The following KCNIP2 variants were observed in gnomAD, a reference collection of about 807,000 sequenced individuals.
The protein encoded by KCNIP2 is A-type potassium channel modulatory protein KCNIP2.
Under a neutral mutation model 39.0 loss-of-function variants are expected in KCNIP2, and 19 were observed. That is an observed-to-expected ratio of 0.49 (90% CI 0.34 to 0.71). KCNIP2 has a LOEUF of 0.71. Ranked by LOEUF, KCNIP2 falls within the 30% of genes least tolerant of loss-of-function variation. KCNIP2 has a pLI of 0.01. For synonymous variants in KCNIP2, 111 were observed against 131.2 expected (o/e 0.85, Z 1.05); for missense variants, 261 against 346.0 (o/e 0.75, Z 1.95).
chr10:101,843,611 G>A lies in KCNIP2; in HGVS notation c.-43C>T. Reference sequence around the variant, plus strand: ...TCCCGCCCGGGCCGTGGGAGGGGGCGCCGGGTGGCCGGGATAGGGCGCTCA... The same window carrying A: ...TCCCGCCCGGGCCGTGGGAGGGGGCACCGGGTGGCCGGGATAGGGCGCTCA... On this transcript the variant is annotated 5_prime_UTR_variant, in exon 1 of 10. Coordinates refer to ENST00000356640, the MANE Select transcript of KCNIP2 (RefSeq NM_173191.3). This position sits in a 1 kb window ranked among gnomAD's most constrained non-coding sequence, Gnocchi z 6.7. 1 of 1,224,094 alleles carries A rather than the reference G, an allele frequency of 8.2e-7. No homozygotes were observed. Among genetic ancestry groups the A allele is most frequent in the Non-Finnish European group, 1.1e-6 (1 of 908,604 alleles). 75.8% of individuals were successfully genotyped at this position (1,224,094 alleles called of 1,614,324 possible).
At chr10:101,837,737 G>A (rs2066208182) in intron 1 of KCNIP2, among the ~76,000 whole-genome samples, 1 of 152,168 alleles carries the variant, frequency 6.6e-6, no homozygotes, top group South Asian at 2.1e-4. Flanking sequence ...CCCTCAGGCA[G>A]TCTCTCCAAT....
At chr10:101,833,213 C>T in intron 1 of KCNIP2, among the ~76,000 whole-genome samples, 1 of 151,258 alleles carries the variant, frequency 6.6e-6, no homozygotes, top group East Asian at 2.0e-4. Context: ...CGGAGTTACA[C>T]AGTTCTAGCC....
intron 1 of KCNIP2, among the ~76,000 whole-genome samples, chr10:101,835,025 G>A (rs1055453843): frequency 9.9e-5 from 15 of 152,156 alleles, no homozygotes; most frequent in African/African-American, 3.6e-4. Flanking sequence ...GGTGTCTATG[G>A]TCTGCATGTG....
intron 1 of KCNIP2, among the ~76,000 whole-genome samples, chr10:101,835,109 T>A (rs1564669577): frequency 6.6e-6 from 1 of 152,124 alleles, no homozygotes; most frequent in Admixed American, 6.5e-5. Context: ...TTGTAGGATG[T>A]GGGTCTGAAG....
rs187389831 is a variant in KCNIP2, at chr10:101,837,849, T to C, written c.73+5647A>G. Among the ~76,000 whole-genome samples the C allele has an allele frequency of 1.2e-3, 180 of 152,296 alleles. 1 individual carries two copies. The highest frequency in any genetic ancestry group is 4.0e-3 in the African/African-American group (167 of 41,558). ...GGGTCAAATTCCATGAAACCTTGAA[T>C]GCCAAGCCAGACTATTTGAATGGAA... On this transcript the variant is annotated intron_variant, in intron 1 of 9. Coordinates refer to ENST00000356640, the MANE Select transcript of KCNIP2 (RefSeq NM_173191.3).
chr10:101,831,017 A>T, intron 2 of KCNIP2, 55 bp downstream of exon 2: 1 of 1,453,280 alleles, frequency 6.9e-7, no homozygotes, highest in East Asian at 2.3e-5. Flanking sequence ...ACTCATGCAC[A>T]GACACGCACG....
chr10:101,829,296 C>T lies in KCNIP2; in HGVS notation c.224-97G>A, dbSNP rs1319027258. Reference sequence around the variant, plus strand: ...TCACCCCCTCCCCGCCCCCCGGTCCCATCCGATGCCGGAGACCAGGCTGCC... The same window carrying T: ...TCACCCCCTCCCCGCCCCCCGGTCCTATCCGATGCCGGAGACCAGGCTGCC... On this transcript the variant is annotated intron_variant, in intron 3 of 9. Transcript: ENST00000356640. 237 of 1,421,712 alleles carry T rather than the reference C, an allele frequency of 1.7e-4. 1 individual carries two copies. The highest frequency in any genetic ancestry group is 2.2e-5 in the Non-Finnish European group (24 of 1,078,582). The allele number at this position is 1,421,712 out of a possible 1,614,324, so 88.1% of individuals were successfully genotyped here.
Position 101,838,105 on chromosome 10 carries a change from C to T in KCNIP2, c.73+5391G>A, listed in dbSNP as rs770714467. On this transcript the variant is annotated intron_variant, in intron 1 of 9. Transcript: ENST00000356640. The surrounding 1 kb of genome is among the most constrained non-coding windows in gnomAD (Gnocchi z 4.0). ...ATTTTTCCAGGCTGTCCCTTCTCCC[C>T]ACTCAGAGACTTCTCAAGTCCTCGG... 3.3e-5 allele frequency among the ~76,000 whole-genome samples: 5 copies of T among 152,220 alleles called. No individual in the cohort carries two copies. The highest frequency in any genetic ancestry group is 6.5e-5 in the Admixed American group (1 of 15,280).
rs2066386888 is a variant in KCNIP2, at chr10:101,843,313, C to G, written c.73+183G>C. 6.6e-6 allele frequency among the ~76,000 whole-genome samples: 1 copy of G among 152,242 alleles called. No individual in the cohort carries two copies. The highest frequency in any genetic ancestry group is 1.5e-5 in the Non-Finnish European group (1 of 68,040). On this transcript the variant is annotated intron_variant, in intron 1 of 9. Coordinates refer to ENST00000356640, the MANE Select transcript of KCNIP2 (RefSeq NM_173191.3). The surrounding 1 kb of genome is among the most constrained non-coding windows in gnomAD (Gnocchi z 6.7). ...CTCTCCACACCTGCCTCTTCTGTTC[C>G]TCCCCAACCCCTGCGGGACCCAAGG...
intron 1 of KCNIP2, 121 bp from the exon 2 acceptor site, chr10:101,831,288 G>A (rs1366050963): frequency 2.6e-6 from 2 of 756,994 alleles, no homozygotes; most frequent in South Asian, 1.8e-5. Flanking sequence ...AGGAATTAAG[G>A]GGAGGAAAGG....
At position 101,828,541 on chromosome 10, in the gene KCNIP2, C is replaced by G. The variant is rs1024619397; in HGVS notation, c.419-82G>C. On this transcript the variant is annotated intron_variant, in intron 5 of 9. Coordinates refer to ENST00000356640, the MANE Select transcript of KCNIP2 (RefSeq NM_173191.3). The surrounding 1 kb of genome is among the most constrained non-coding windows in gnomAD (Gnocchi z 6.6). ...AAGGAGCTCCCCATACCCCCCATCACCTTGGCATTCCCAGCTCCTCCAGAA... is the reference window on the plus strand; with the variant it reads ...AAGGAGCTCCCCATACCCCCCATCAGCTTGGCATTCCCAGCTCCTCCAGAA... 1.3e-6 allele frequency: 2 copies of G among 1,597,596 alleles called. No individual in the cohort carries two copies. Among genetic ancestry groups the G allele is most frequent in the Admixed American group, 1.7e-5 (1 of 59,552 alleles).
chr10:101,836,479 GC>G (rs1416223403), intron 1 of KCNIP2, among the ~76,000 whole-genome samples: 7 of 151,978 alleles, frequency 4.6e-5, no homozygotes. Context: ...GAAGTGATCT[GC>G]CCCCGTCGGC....
chr10:101,839,271 G>A (rs2066248569), intron 1 of KCNIP2, among the ~76,000 whole-genome samples: 1 of 152,206 alleles, frequency 6.6e-6, no homozygotes, highest in Non-Finnish European at 1.5e-5. Flanking sequence ...TCAGTCCCAT[G>A]TCATGTATGA....
intron 9 of KCNIP2, 40 bp downstream of exon 9, chr10:101,827,649 G>T (rs371574418): frequency 5.0e-6 from 8 of 1,610,338 alleles, no homozygotes; most frequent in Middle Eastern, 3.3e-4. Context: ...AATCAGGCCT[G>T]AGTCCAGGTC....
chr10:101,828,305 C>G lies in KCNIP2; in HGVS notation c.490-47G>C. ...GCTGTGTCCTCGGGTACTCTTCACC[C>G]AACTCCTTCTCTGGGTTTGGCCTGG... is the stretch of plus-strand genomic sequence containing the variant. On this transcript the variant is annotated intron_variant, in intron 6 of 9. Coordinates refer to ENST00000356640, the MANE Select transcript of KCNIP2 (RefSeq NM_173191.3). This position sits in a 1 kb window ranked among gnomAD's most constrained non-coding sequence, Gnocchi z 6.6. 6.2e-7 allele frequency: 1 copy of G among 1,610,996 alleles called. No individual in the cohort carries two copies. The highest frequency in any genetic ancestry group is 1.3e-5 in the African/African-American group (1 of 74,958).
intron 1 of KCNIP2, among the ~76,000 whole-genome samples, chr10:101,833,992 A>G (rs1194510670): frequency 1.3e-5 from 2 of 149,128 alleles, no homozygotes; most frequent in Non-Finnish European, 3.0e-5. Flanking sequence ...TCATCTCCAC[A>G]CCCCAGTCCT....
At chr10:101,830,546 G>T in intron 2 of KCNIP2, 1 of 1,039,258 alleles carries the variant, frequency 9.6e-7, no homozygotes, top group Non-Finnish European at 1.3e-6. Flanking sequence ...CCACAGTTTT[G>T]CGGGAGCGGT....
chr10:101,840,900 C>T (rs1010278211), intron 1 of KCNIP2, among the ~76,000 whole-genome samples: 36 of 152,210 alleles, frequency 2.4e-4, no homozygotes, highest in African/African-American at 8.0e-4. Flanking sequence ...ACTGAGATCC[C>T]AGTCGGGGGA....
rs769608348 is a variant in KCNIP2 at position 101,829,892 on chromosome 10, C to T, written c.175G>A (p.Ala59Thr). 2.0e-6 allele frequency: 3 copies of T among 1,523,700 alleles called. No homozygotes were observed. Among genetic ancestry groups the T allele is most frequent in the Admixed American group, 4.6e-5 (2 of 43,612 alleles). The allele number at this position is 1,523,700 out of a possible 1,614,324, so 94.4% of individuals were successfully genotyped here. A position where few individuals can be genotyped will look rare whatever the true frequency, so the allele number is the denominator to read the frequency against. The change falls in exon 3 of 10, where the codon GCC becomes ACC. Residue 59 changes from alanine to threonine, a missense_variant. Physicochemically the swap from Ala to Thr is moderately conservative, Grantham distance 58. Transcript: ENST00000356640. ...QALPSVSETL[A>T]APASLRPHRP... ...TGGGGGCGGAGGGAGGCTGGGGCGG[C>T]TAATGCTGAAGGGAGCGAACTGTCA...
Sources: gnomAD v4.1 joint callset for allele counts (sites outside exome capture counted in the v4.1 genomes callset) on GRCh38, gnomAD v4.1.1 for gene constraint, Gnocchi (gnomAD v3.1) non-coding constraint, MANE v1.5 for transcripts, NCBI Gene and HGNC (gene_info 2026-07-23, HGNC 2026-07-21) for gene names.